Variants in UVRAG observed in about 807,000 individuals in gnomAD.
UVRAG encodes the protein UV radiation resistance-associated gene protein.
In UVRAG, 19 loss-of-function variants were observed where a neutral mutation model predicts 78.0. That is an observed-to-expected ratio of 0.24 (90% CI 0.17 to 0.36). The LOEUF (loss-of-function observed/expected upper bound fraction) is 0.36, where lower values mean the gene tolerates loss of function less well. UVRAG is among the 10% of genes least tolerant of loss of function. The pLI is 1.00. For missense variants in UVRAG, 740 were observed against 853.8 expected, an observed-to-expected ratio of 0.87 and a Z score of 1.66; for synonymous variants, 323 against 324.6, an observed-to-expected ratio of 1.00 and a Z score of 0.05.
chr11:75,991,470 A>G (rs1949604980), intron 8 of UVRAG, among the ~76,000 whole-genome samples: 1 of 152,166 alleles, frequency 6.6e-6, no homozygotes, highest in Non-Finnish European at 1.5e-5. Flanking sequence ...TTATTACTAT[A>G]AATATGTAAT....
intron 14 of UVRAG, among the ~76,000 whole-genome samples, chr11:76,134,802 C>T (rs915673955): frequency 1.3e-5 from 2 of 152,166 alleles, no homozygotes; most frequent in Non-Finnish European, 2.9e-5. Context: ...TTACTGTAGT[C>T]GATCTATTTT....
At chr11:76,041,877 C>T (rs1378815858) in intron 12 of UVRAG, among the ~76,000 whole-genome samples, 6 of 152,158 alleles carry the variant, frequency 3.9e-5, no homozygotes, top group Admixed American at 1.3e-4. Context: ...CTGTTCTACA[C>T]GTGAATTGTC....
At chr11:76,128,010 A>G (rs927671381) in intron 14 of UVRAG, among the ~76,000 whole-genome samples, 3 of 152,104 alleles carry the variant, frequency 2.0e-5, no homozygotes, top group African/African-American at 4.8e-5. Flanking sequence ...ACTTAAATGA[A>G]TTGGAGAGGG....
intron 1 of UVRAG, among the ~76,000 whole-genome samples, chr11:75,826,949 C>A (rs888390428): frequency 2.6e-5 from 4 of 152,144 alleles, no homozygotes; most frequent in Non-Finnish European, 4.4e-5. Context: ...TCAGAACTTA[C>A]CACTTTGGAG....
At chr11:75,849,323 G>A (rs1244050133) in intron 1 of UVRAG, among the ~76,000 whole-genome samples, 1 of 151,992 alleles carries the variant, frequency 6.6e-6, no homozygotes, top group Non-Finnish European at 1.5e-5. Flanking sequence ...GGCTAACACA[G>A]TGAAACCCCC....
chr11:75,874,695 TAGTA>T (rs1175117491), intron 3 of UVRAG, among the ~76,000 whole-genome samples: 3 of 152,248 alleles, frequency 2.0e-5, no homozygotes, highest in African/African-American at 7.2e-5. Flanking sequence ...TGACTGTCAC[TAGTA>T]AGTATTAAAA....
At chr11:76,016,240 T>C (rs1313992274) in intron 11 of UVRAG, among the ~76,000 whole-genome samples, 2 of 152,214 alleles carry the variant, frequency 1.3e-5, no homozygotes, top group East Asian at 3.8e-4. Flanking sequence ...TTGCTTTTGC[T>C]GTTTAAAGCA....
intron 13 of UVRAG, among the ~76,000 whole-genome samples, chr11:76,079,300 A>G (rs1312717474): frequency 1.3e-5 from 2 of 152,088 alleles, no homozygotes; most frequent in Non-Finnish European, 2.9e-5. Context: ...CCTGGGCAGC[A>G]CAACAAGACC....
At chr11:75,883,665 G>T (rs946316056) in intron 4 of UVRAG, among the ~76,000 whole-genome samples, 1 of 152,148 alleles carries the variant, frequency 6.6e-6, no homozygotes, top group Non-Finnish European at 1.5e-5. Flanking sequence ...TCTTAGACCC[G>T]GTGTACTGAT....
intron 12 of UVRAG, among the ~76,000 whole-genome samples, chr11:76,064,249 A>G (rs1053071346): frequency 6.6e-6 from 1 of 152,238 alleles, no homozygotes; most frequent in African/African-American, 2.4e-5. Flanking sequence ...CAGATAGTCT[A>G]CATTTGAAGC....
At chr11:75,997,743 A>C (rs1169744152) in intron 8 of UVRAG, among the ~76,000 whole-genome samples, 2 of 152,210 alleles carry the variant, frequency 1.3e-5, no homozygotes, top group African/African-American at 4.8e-5. Flanking sequence ...ACACAAATAG[A>C]AACGGCTGCA....
In UVRAG at chr11:75,923,097, C is replaced by T. The variant is rs1948015646; in HGVS notation, c.593+11058C>T. Among the ~76,000 whole-genome samples, 3 of 149,278 alleles carry T rather than the reference C, an allele frequency of 2.0e-5. 1 individual carries two copies. The highest frequency in any genetic ancestry group is 4.2e-4 in the South Asian group (2 of 4,760). ...TTGCCCGTGCTGGAGTGCAATGGCT[C>T]GATCTTGACTCACTGCAACCTCCGC... On this transcript the variant is annotated intron_variant, in intron 6 of 14. Transcript: ENST00000356136.
chr11:75,922,921 G>A (rs981120610), intron 6 of UVRAG, among the ~76,000 whole-genome samples: 28 of 133,306 alleles, frequency 2.1e-4, no homozygotes, highest in African/African-American at 6.5e-4. Context: ...CGACAAGAGC[G>A]AAACTACATC....
At chr11:75,964,148 T>A (rs1948965932) in intron 7 of UVRAG, among the ~76,000 whole-genome samples, 1 of 152,246 alleles carries the variant, frequency 6.6e-6, no homozygotes, top group Non-Finnish European at 1.5e-5. Context: ...TTTAATTTGT[T>A]AAAAAATTTT....
chr11:75,850,592 C>T (rs1215494188), intron 1 of UVRAG, among the ~76,000 whole-genome samples: 1 of 152,144 alleles, frequency 6.6e-6, no homozygotes, highest in Non-Finnish European at 1.5e-5. Flanking sequence ...GGTCTTTGAA[C>T]AGAGGAGCAG....
At chr11:75,904,140 C>T (rs1947566699) in intron 5 of UVRAG, among the ~76,000 whole-genome samples, 1 of 152,258 alleles carries the variant, frequency 6.6e-6, no homozygotes, top group African/African-American at 2.4e-5. Flanking sequence ...AAAACATTTA[C>T]TATGTGGCCC....
chr11:76,113,126 A>C (rs1952110141), intron 13 of UVRAG, among the ~76,000 whole-genome samples: 1 of 152,222 alleles, frequency 6.6e-6, no homozygotes, highest in Non-Finnish European at 1.5e-5. Context: ...AAAAAAGTAC[A>C]AGAAAGGAAT....
At chr11:76,128,892 T>TAA (rs1565172978) in intron 14 of UVRAG, among the ~76,000 whole-genome samples, 1 of 152,250 alleles carries the variant, frequency 6.6e-6, no homozygotes, top group African/African-American at 2.4e-5. Context: ...GTTTTAATTT[T>TAA]AAAGAGTTTA....
chr11:75,928,344 A>G (rs988659195), intron 6 of UVRAG, among the ~76,000 whole-genome samples: 5 of 152,204 alleles, frequency 3.3e-5, no homozygotes, highest in Non-Finnish European at 5.9e-5. Flanking sequence ...AGGCATTCCA[A>G]CATTTAAGAA....
Sources: gnomAD v4.1 joint callset for allele counts (sites outside exome capture counted in the v4.1 genomes callset) on GRCh38, gnomAD v4.1.1 for gene constraint, MANE v1.5 for transcripts, NCBI Gene and HGNC (gene_info 2026-07-23, HGNC 2026-07-21) for gene names.